YES1: variants seen among roughly 807,000 people sequenced by gnomAD.
YES1 encodes the protein YES proto-oncogene 1, Src family tyrosine kinase.
In YES1, 39 loss-of-function variants were observed where a neutral mutation model predicts 70.4. The observed-to-expected ratio is 0.55, with a 90% CI of 0.43 to 0.72. The LOEUF (loss-of-function observed/expected upper bound fraction) is 0.72, where lower values mean the gene tolerates loss of function less well. Ranked by LOEUF, YES1 falls within the 30% of genes least tolerant of loss-of-function variation. The pLI is 0.00. For missense variants in YES1, 495 were observed against 644.8 expected, an observed-to-expected ratio of 0.77 and a Z score of 2.52; for synonymous variants, 198 against 218.6, an observed-to-expected ratio of 0.91 and a Z score of 0.83.
chr18:800,536 G>T (rs4121552), intron 1 of YES1, among the ~76,000 whole-genome samples: 6 of 151,990 alleles, frequency 3.9e-5, no homozygotes, highest in Non-Finnish European at 7.4e-5. Context: ...TAGTATTCCC[G>T]CTAGAAAACA....
intron 4 of YES1, among the ~76,000 whole-genome samples, chr18:746,819 T>C (rs2080286523): frequency 6.6e-6 from 1 of 152,206 alleles, no homozygotes; most frequent in Admixed American, 6.5e-5. Flanking sequence ...AGAACTCCCA[T>C]ACACCCTACA....
At chr18:751,562 A>G (rs1401099518) in intron 3 of YES1, 143 bp downstream of exon 3, 2 of 596,126 alleles carry the variant, frequency 3.4e-6, no homozygotes, top group East Asian at 5.5e-5. Flanking sequence ...ACATGCATCT[A>G]TAGAAGCCAA....
intron 1 of YES1, among the ~76,000 whole-genome samples, chr18:785,608 CT>C (rs1212652773): frequency 6.6e-6 from 1 of 152,102 alleles, no homozygotes; most frequent in Non-Finnish European, 1.5e-5. Context: ...GTGTTGGAAG[CT>C]TAATCCACAA....
intron 1 of YES1, among the ~76,000 whole-genome samples, chr18:791,352 G>A (rs1172575423): frequency 1.3e-5 from 2 of 152,166 alleles, no homozygotes; most frequent in East Asian, 3.9e-4. Context: ...ATTAAGAATA[G>A]TAACAGATAA....
At chr18:728,614 C>T (rs1448879472) in intron 11 of YES1, among the ~76,000 whole-genome samples, 1 of 152,124 alleles carries the variant, frequency 6.6e-6, no homozygotes, top group Admixed American at 6.5e-5. Context: ...GCAACCTCTG[C>T]CTCCCAGGTT....
chr18:748,275 T>C (rs1430835489), intron 3 of YES1, among the ~76,000 whole-genome samples: 1 of 152,092 alleles, frequency 6.6e-6, no homozygotes, highest in African/African-American at 2.4e-5. Context: ...TTTCTTTTTT[T>C]AACACAATTC....
chr18:771,330 AC>A (rs1297573529), intron 1 of YES1, among the ~76,000 whole-genome samples: 13 of 151,784 alleles, frequency 8.6e-5, no homozygotes, highest in African/African-American at 2.9e-4. Context: ...TTGCACCACT[AC>A]ACTACAGCCT....
chr18:777,545 G>A (rs927772158), intron 1 of YES1, among the ~76,000 whole-genome samples: 1 of 152,146 alleles, frequency 6.6e-6, no homozygotes, highest in Admixed American at 6.5e-5. Flanking sequence ...ATTGGCTCAC[G>A]CCTGTAATCC....
chr18:736,836 A>G lies in YES1; in HGVS notation c.1263T>C (p.Ile421=). ...KIADFGLARL[I]EDNEYTARQG... ...GTCTTGCTGTGTATTCATTGTCTTC[A>G]ATTAACCTTGCTAAACCAAAGTCTG... The change falls in exon 10 of 12, where the codon ATT becomes ATC. Residue 421 remains isoleucine (I), a synonymous_variant. Coordinates refer to ENST00000314574, the MANE Select transcript of YES1 (RefSeq NM_005433.4). The G allele has an allele frequency of 1.9e-6, 3 of 1,612,256 alleles. No individual in the cohort carries two copies. The South Asian group carries it at 3.3e-5, about 18-fold the overall frequency.
intron 1 of YES1, among the ~76,000 whole-genome samples, chr18:785,127 G>A (rs886769873): frequency 4.6e-5 from 7 of 150,850 alleles, no homozygotes; most frequent in African/African-American, 7.4e-5. Flanking sequence ...CTGTGGTGGC[G>A]GATATCACAA....
At chr18:759,341 C>T (rs568200201) in intron 1 of YES1, among the ~76,000 whole-genome samples, 1 of 152,292 alleles carries the variant, frequency 6.6e-6, no homozygotes, top group South Asian at 2.1e-4. Flanking sequence ...GTGGCGGGCG[C>T]CTGTAATTCC....
intron 1 of YES1, among the ~76,000 whole-genome samples, chr18:759,767 G>A (rs1162136158): frequency 6.6e-6 from 1 of 152,022 alleles, no homozygotes; most frequent in African/African-American, 2.4e-5. Flanking sequence ...ACAACGTGCA[G>A]GTTACATATG....
At chr18:774,935 C>G (rs1216559549) in intron 1 of YES1, 1 of 152,408 alleles carries the variant, frequency 6.6e-6, no homozygotes, top group Non-Finnish European at 1.5e-5. Flanking sequence ...CTACACTGGC[C>G]TTCCTGCTCT....
chr18:806,993 TGGCTG>T (rs926017039), intron 1 of YES1, among the ~76,000 whole-genome samples: 1 of 152,194 alleles, frequency 6.6e-6, no homozygotes, highest in African/African-American at 2.4e-5. Context: ...GACGCTGCTG[TGGCTG>T]GGTGTGGTGG....
chr18:747,312 T>C (rs1199688905), intron 4 of YES1, among the ~76,000 whole-genome samples: 2 of 151,948 alleles, frequency 1.3e-5, no homozygotes, highest in East Asian at 3.9e-4. Flanking sequence ...CTACTAAAAA[T>C]ACAAAAATTA....
intron 1 of YES1, among the ~76,000 whole-genome samples, chr18:795,683 C>G (rs1219176689): frequency 7.4e-6 from 1 of 134,762 alleles, no homozygotes; most frequent in Admixed American, 8.9e-5. Flanking sequence ...TATGTTCTCA[C>G]TTATAAGTGG....
At chr18:757,256 C>T (rs1403577513) in intron 1 of YES1, among the ~76,000 whole-genome samples, 1 of 152,214 alleles carries the variant, frequency 6.6e-6, no homozygotes, top group Non-Finnish European at 1.5e-5. Flanking sequence ...GTAATCCCAG[C>T]ACTTTGGGAG....
chr18:743,136 G>A (rs750062336), intron 7 of YES1, 39 bp from the exon 8 acceptor site: 12 of 1,547,950 alleles, frequency 7.8e-6, no homozygotes, highest in Non-Finnish European at 9.5e-6. Context: ...ATATTTTAAA[G>A]GATTTTAGAC....
chr18:783,811 A>G (rs1388835752), intron 1 of YES1, among the ~76,000 whole-genome samples: 2 of 152,118 alleles, frequency 1.3e-5, no homozygotes, highest in Non-Finnish European at 2.9e-5. Context: ...AACGGGTTTC[A>G]CCATGTTGGC....
Sources: allele counts gnomAD v4.1 joint callset (sites outside exome capture counted in the v4.1 genomes callset), GRCh38; gene constraint gnomAD v4.1.1; transcripts MANE v1.5; gene names NCBI Gene and HGNC (gene_info 2026-07-23, HGNC 2026-07-21).